LRRTM4: variants seen among roughly 807,000 people sequenced by gnomAD.
LRRTM4 encodes the protein leucine rich repeat transmembrane neuronal 4.
LRRTM4 carries 25 observed loss-of-function variants against 47.6 expected under a neutral mutation model. That is an observed-to-expected ratio of 0.53 (90% CI 0.38 to 0.73). The LOEUF (loss-of-function observed/expected upper bound fraction) is 0.73, where lower values mean the gene tolerates loss of function less well. Among genes scored for constraint, LRRTM4 ranks in the 30% least tolerant of loss-of-function variants. The pLI, the probability that LRRTM4 is intolerant of heterozygous loss-of-function variation, is 0.00. For missense variants in LRRTM4, 638 were observed against 713.4 expected (o/e 0.89, Z 1.20); for synonymous variants, 311 against 269.5 (o/e 1.15, Z -1.51).
At chr2:76,876,280 T>C (rs1236473257) in intron 3 of LRRTM4, among the ~76,000 whole-genome samples, 1 of 152,150 alleles carries the variant, frequency 6.6e-6, no homozygotes, top group African/African-American at 2.4e-5. Flanking sequence ...ATACTCATAA[T>C]AGGATAATAA....
At chr2:77,269,476 A>G (rs1676135874) in intron 3 of LRRTM4, among the ~76,000 whole-genome samples, 1 of 152,198 alleles carries the variant, frequency 6.6e-6, no homozygotes, top group Admixed American at 6.5e-5. Flanking sequence ...AATGACAAAT[A>G]TTCACTGATT....
intron 3 of LRRTM4, among the ~76,000 whole-genome samples, chr2:77,243,225 C>A (rs1195893753): frequency 1.1e-4 from 17 of 151,890 alleles, no homozygotes; most frequent in African/African-American, 4.1e-4. Context: ...ACAGCCTCAA[C>A]ATGGAGAAAC....
chr2:76,780,712 C>T (rs1674327643), intron 3 of LRRTM4, among the ~76,000 whole-genome samples: 1 of 152,096 alleles, frequency 6.6e-6, no homozygotes, highest in Admixed American at 6.6e-5. Flanking sequence ...CAATGTCCTC[C>T]CGTAGCTCAG....
At chr2:77,345,086 C>T (rs1359741153) in intron 3 of LRRTM4, among the ~76,000 whole-genome samples, 1 of 150,416 alleles carries the variant, frequency 6.6e-6, no homozygotes, top group Non-Finnish European at 1.5e-5. Flanking sequence ...AATAGTAAAA[C>T]ACTCAATAAA....
intron 3 of LRRTM4, among the ~76,000 whole-genome samples, chr2:76,931,498 G>C (rs768870444): frequency 1.3e-5 from 2 of 152,040 alleles, no homozygotes; most frequent in Non-Finnish European, 2.9e-5. Context: ...AAGGTTCCCT[G>C]CTGTGCCCGT....
At chr2:77,020,752 G>T (rs998283041) in intron 3 of LRRTM4, among the ~76,000 whole-genome samples, 5 of 152,132 alleles carry the variant, frequency 3.3e-5, no homozygotes, top group African/African-American at 1.2e-4. Flanking sequence ...TTAAAGAAAA[G>T]AAATGGTATC....
At chr2:76,984,617 G>C (rs1330773657) in intron 3 of LRRTM4, among the ~76,000 whole-genome samples, 1 of 151,960 alleles carries the variant, frequency 6.6e-6, no homozygotes, top group Non-Finnish European at 1.5e-5. Context: ...GGTGGAGAAG[G>C]CTTCTAGCAA....
intron 3 of LRRTM4, among the ~76,000 whole-genome samples, chr2:76,791,765 A>G (rs2103716341): frequency 6.6e-6 from 1 of 152,370 alleles, no homozygotes; most frequent in African/African-American, 2.4e-5. Context: ...TACAGCAGAT[A>G]GGCTGCAGGT....
At chr2:76,945,623 C>T (rs997484962) in intron 3 of LRRTM4, among the ~76,000 whole-genome samples, 11 of 151,716 alleles carry the variant, frequency 7.3e-5, no homozygotes, top group Admixed American at 3.9e-4. Context: ...ATACTGCAAC[C>T]CCCATTCAAA....
At chr2:77,395,600 A>C (rs924019448) in intron 3 of LRRTM4, among the ~76,000 whole-genome samples, 1 of 151,948 alleles carries the variant, frequency 6.6e-6, no homozygotes, top group Non-Finnish European at 1.5e-5. Context: ...ATAAGTTGAC[A>C]GTTCTTAATA....
intron 3 of LRRTM4, among the ~76,000 whole-genome samples, chr2:77,339,891 C>A (rs1671305947): frequency 6.6e-6 from 1 of 151,900 alleles, no homozygotes; most frequent in African/African-American, 2.4e-5. Flanking sequence ...CTCTGCAATG[C>A]ATGTTGCTTC....
At chr2:77,393,313 A>G (rs975520955) in intron 3 of LRRTM4, among the ~76,000 whole-genome samples, 2 of 151,972 alleles carry the variant, frequency 1.3e-5, no homozygotes, top group Non-Finnish European at 1.5e-5. Context: ...CAGACTAGAG[A>G]GTAGAAAAGA....
chr2:77,513,488 C>T (rs1922821), intron 3 of LRRTM4, among the ~76,000 whole-genome samples: 95,773 of 152,068 alleles, frequency 0.63, 30,476 homozygotes, highest in Middle Eastern at 0.74. Context: ...ATATGTAGTA[C>T]AAATACAGAC....
chr2:77,116,137 A>T (rs951761381), intron 3 of LRRTM4, among the ~76,000 whole-genome samples: 4 of 152,122 alleles, frequency 2.6e-5, no homozygotes, highest in African/African-American at 9.7e-5. Context: ...TTGTAGTGTC[A>T]ACGTTTAGGA....
At chr2:77,152,877 GA>G (rs1183751372) in intron 3 of LRRTM4, among the ~76,000 whole-genome samples, 1 of 151,980 alleles carries the variant, frequency 6.6e-6, no homozygotes, top group Non-Finnish European at 1.5e-5. Flanking sequence ...GTACAATGTG[GA>G]ATATTTAAAT....
At chr2:77,084,905 T>C (rs1369813068) in intron 3 of LRRTM4, among the ~76,000 whole-genome samples, 4 of 152,186 alleles carry the variant, frequency 2.6e-5, no homozygotes, top group Non-Finnish European at 5.9e-5. Flanking sequence ...ATGGTAGTGA[T>C]AATTTTATGC....
chr2:77,123,021 A>C (rs1280007563), intron 3 of LRRTM4, among the ~76,000 whole-genome samples: 3 of 151,912 alleles, frequency 2.0e-5, no homozygotes, highest in African/African-American at 7.2e-5. Flanking sequence ...TGTGTTAAGA[A>C]CAAAGAAAAA....
chr2:77,043,039 C>A (rs1679090327), intron 3 of LRRTM4, among the ~76,000 whole-genome samples: 1 of 151,730 alleles, frequency 6.6e-6, no homozygotes. Flanking sequence ...TTTACTCAGG[C>A]CTAGGAAACC....
chr2:76,776,153 A>G (rs1179750226), intron 3 of LRRTM4, among the ~76,000 whole-genome samples: 1 of 152,140 alleles, frequency 6.6e-6, no homozygotes, highest in Non-Finnish European at 1.5e-5. Flanking sequence ...AATCCAGTCT[A>G]TCATTGTTGG....
Sources: allele counts gnomAD v4.1 joint callset (sites outside exome capture counted in the v4.1 genomes callset), GRCh38; gene constraint gnomAD v4.1.1; transcripts MANE v1.5; gene names NCBI Gene and HGNC (gene_info 2026-07-23, HGNC 2026-07-21).